LRRC7: variants seen among roughly 807,000 people sequenced by gnomAD.
LRRC7 encodes leucine-rich repeat-containing protein 7.
In LRRC7, 23 loss-of-function variants were observed where a neutral mutation model predicts 175.7. The observed-to-expected ratio is 0.13, with a 90% confidence interval of 0.09 to 0.19. LRRC7 has a LOEUF of 0.19. Among genes scored for constraint, LRRC7 ranks in the 10% least tolerant of loss-of-function variants. LRRC7 has a pLI of 1.00. For missense variants in LRRC7, 1,354 were observed against 1,904.7 expected (o/e 0.71, Z 5.38); for synonymous variants, 685 against 680.9 (o/e 1.01, Z -0.09).
intron 23 of LRRC7, among the ~76,000 whole-genome samples, chr1:70,069,985 C>T (rs935786331): frequency 6.6e-6 from 1 of 151,948 alleles, no homozygotes; most frequent in African/African-American, 2.4e-5. Flanking sequence ...TTTGCTGAGA[C>T]TTTTTAAAAA....
intron 8 of LRRC7, among the ~76,000 whole-genome samples, chr1:69,971,463 T>C (rs1184956884): frequency 6.6e-6 from 1 of 152,146 alleles, no homozygotes; most frequent in Non-Finnish European, 1.5e-5. Context: ...TCAGTAGCTC[T>C]TCTATACACC....
At chr1:69,993,529 CCA>C (rs147799973) in intron 10 of LRRC7, among the ~76,000 whole-genome samples, 4 of 151,224 alleles carry the variant, frequency 2.6e-5, no homozygotes, top group Non-Finnish European at 4.4e-5. Flanking sequence ...ATACTGTGCA[CCA>C]CACACACACA....
chr1:69,644,239 CCA>C (rs1491549382), intron 1 of LRRC7, among the ~76,000 whole-genome samples: 6 of 124,916 alleles, frequency 4.8e-5, no homozygotes, highest in Admixed American at 4.1e-4. Flanking sequence ...TTTTCAATTT[CCA>C]AGAGAGAGAT....
At chr1:69,918,306 A>T (rs979321162) in intron 7 of LRRC7, among the ~76,000 whole-genome samples, 1 of 152,224 alleles carries the variant, frequency 6.6e-6, no homozygotes, top group African/African-American at 2.4e-5. Context: ...CAGTGCCCAC[A>T]GGGCGCCTGC....
At chr1:69,883,533 G>C (rs1179548022) in intron 7 of LRRC7, among the ~76,000 whole-genome samples, 28 of 98,388 alleles carry the variant, frequency 2.8e-4, no homozygotes, top group Admixed American at 8.2e-4. Flanking sequence ...CAGATGAGTA[G>C]GTTGTGAAAA....
chr1:70,020,282 T>C lies in LRRC7; in HGVS notation c.1421-723T>C, dbSNP rs370148981. ...TTGCATTTTCATGTGATCTTTGCCA[T>C]AATGTTGCAAAGAAGATATTATCAT... On this transcript the variant is annotated intron_variant, in intron 15 of 26. Coordinates refer to ENST00000651989, the MANE Select transcript of LRRC7 (RefSeq NM_001370785.2). 2.6e-4 allele frequency among the ~76,000 whole-genome samples: 40 copies of C among 152,116 alleles called. No homozygotes were observed. In the East Asian group the frequency reaches 4.4e-3, roughly 17 times the overall value.
intron 1 of LRRC7, among the ~76,000 whole-genome samples, chr1:69,608,722 C>A (rs146634208): frequency 6.9e-4 from 105 of 151,460 alleles, no homozygotes; most frequent in African/African-American, 2.3e-3. Flanking sequence ...GATGTAAGAA[C>A]TCTGACCTTA....
Position 69,568,480 on chromosome 1 carries a change from C to A in LRRC7, c.-160C>A. 1 of 490,100 alleles carries A rather than the reference C, an allele frequency of 2.0e-6. No homozygotes were observed. Among genetic ancestry groups the A allele is most frequent in the Non-Finnish European group, 3.4e-6 (1 of 297,202 alleles). The allele number at this position is 490,100 out of a possible 1,614,324, so 30.4% of individuals were successfully genotyped here. On this transcript the variant is annotated 5_prime_UTR_variant, in exon 1 of 27. Coordinates refer to ENST00000651989, the MANE Select transcript of LRRC7 (RefSeq NM_001370785.2). The stretch of plus-strand genomic sequence containing the variant: ...ACGTGGCACCTTCCTGGATTCCCCT[C>A]TATCTCCTGTTCTTCCTACCTTCTA...
chr1:69,654,468 G>C (rs989066206), intron 1 of LRRC7, among the ~76,000 whole-genome samples: 7 of 151,886 alleles, frequency 4.6e-5, no homozygotes, highest in African/African-American at 1.5e-4. Context: ...ATAGAGCCTT[G>C]CTTCCAAAAT....
chr1:69,627,283 A>G (rs1005187017), intron 1 of LRRC7, among the ~76,000 whole-genome samples: 1 of 152,078 alleles, frequency 6.6e-6, no homozygotes, highest in African/African-American at 2.4e-5. Context: ...GTGTGAGATG[A>G]TATCTCATTG....
At chr1:70,044,516 C>A (rs2102043262) in intron 22 of LRRC7, among the ~76,000 whole-genome samples, 1 of 152,178 alleles carries the variant, frequency 6.6e-6, no homozygotes, top group South Asian at 2.1e-4. Context: ...TCAACTGATT[C>A]TTTTGGAAAA....
intron 26 of LRRC7, among the ~76,000 whole-genome samples, chr1:70,121,481 A>C (rs1666203873): frequency 6.6e-6 from 1 of 152,086 alleles, no homozygotes; most frequent in African/African-American, 2.4e-5. Context: ...ACAAATCAGG[A>C]CAACAACAAT....
At chr1:70,033,690 C>T (rs6674401) in intron 18 of LRRC7, among the ~76,000 whole-genome samples, 6 of 151,808 alleles carry the variant, frequency 4.0e-5, no homozygotes, top group East Asian at 3.9e-4. Context: ...TGCAGAGTTC[C>T]GGTCATAATT....
In LRRC7 at chr1:70,110,253, A is replaced by G. The variant is rs555816828; in HGVS notation, c.4620+2427A>G. ...AAATTAACCAGGTGCAGTGGTGAGC[A>G]CCTGTAATCCCAGCTACTAGGGAGG... On this transcript the variant is annotated intron_variant, in intron 26 of 26. Coordinates refer to ENST00000651989, the MANE Select transcript of LRRC7 (RefSeq NM_001370785.2). Among the ~76,000 whole-genome samples the G allele has an allele frequency of 6.6e-5, 10 of 152,032 alleles. No individual in the cohort carries two copies. The South Asian group carries it at 2.1e-3, about 32-fold the overall frequency.
chr1:69,709,199 G>A, intron 2 of LRRC7, among the ~76,000 whole-genome samples: 1 of 152,176 alleles, frequency 6.6e-6, no homozygotes, highest in East Asian at 1.9e-4. Flanking sequence ...AAATAACATA[G>A]TAAAGTTTAT....
chr1:69,935,772 CT>C, intron 8 of LRRC7, among the ~76,000 whole-genome samples: 1 of 152,174 alleles, frequency 6.6e-6, no homozygotes, highest in South Asian at 2.1e-4. Flanking sequence ...TCTGGAGAGT[CT>C]TTTTATTTTC....
chr1:69,924,015 A>G (rs923228481), intron 7 of LRRC7, among the ~76,000 whole-genome samples: 4 of 152,040 alleles, frequency 2.6e-5, no homozygotes, highest in Admixed American at 2.6e-4. Flanking sequence ...TCAGCTTTCT[A>G]CATATGGCTA....
intron 1 of LRRC7, among the ~76,000 whole-genome samples, chr1:69,647,899 G>A (rs1655228339): frequency 6.6e-6 from 1 of 151,940 alleles, no homozygotes; most frequent in Non-Finnish European, 1.5e-5. Flanking sequence ...TAGCTAGCTA[G>A]CTAGATACAT....
intron 3 of LRRC7, among the ~76,000 whole-genome samples, chr1:69,787,691 C>A (rs551488001): frequency 3.9e-5 from 6 of 152,224 alleles, no homozygotes; most frequent in African/African-American, 1.4e-4. Flanking sequence ...GAGAGGCTGC[C>A]GCAAAGGTCT....
Sources: allele counts gnomAD v4.1 joint callset (sites outside exome capture counted in the v4.1 genomes callset), GRCh38; gene constraint gnomAD v4.1.1; transcripts MANE v1.5; gene names NCBI Gene and HGNC (gene_info 2026-07-23, HGNC 2026-07-21).